The following SP100 variants were observed in gnomAD, a reference collection of about 807,000 sequenced individuals.
The protein encoded by SP100 is nuclear autoantigen Sp-100.
SP100 carries 84 observed loss-of-function variants against 130.0 expected under a neutral mutation model. The observed-to-expected ratio is 0.65, with a 90% CI of 0.54 to 0.77. SP100 has a LOEUF of 0.77. SP100 is among the 30% of genes least tolerant of loss of function. The pLI is 0.00. For synonymous variants in SP100, 331 were observed against 351.7 expected (o/e 0.94, Z 0.66); for missense variants, 978 against 1,052.2 (o/e 0.93, Z 0.97).
chr2:230,476,570 G>GGT (rs1367427045), intron 17 of SP100, among the ~76,000 whole-genome samples: 1 of 151,826 alleles, frequency 6.6e-6, no homozygotes, highest in Non-Finnish European at 1.5e-5. Context: ...TGTGAACATT[G>GGT]GTGTCTATCT....
chr2:230,498,847 T>A (rs1234466663), intron 19 of SP100, among the ~76,000 whole-genome samples: 3 of 152,212 alleles, frequency 2.0e-5, no homozygotes, highest in African/African-American at 7.2e-5. Context: ...AAAACCTATG[T>A]AATTCACAAG....
chr2:230,496,735 C>T (rs1278453561), intron 18 of SP100, among the ~76,000 whole-genome samples: 1 of 152,180 alleles, frequency 6.6e-6, no homozygotes, highest in African/African-American at 2.4e-5. Context: ...CAACTGGATG[C>T]TTACCAATTC....
Position 230,506,268 on chromosome 2 carries a change from A to G in SP100, c.1871-35A>G, listed in dbSNP as rs781191011. 47 of 1,608,496 alleles carry G rather than the reference A, an allele frequency of 2.9e-5. 1 individual carries two copies. Among genetic ancestry groups the G allele is most frequent in the Non-Finnish European group, 3.9e-5 (46 of 1,176,088 alleles). ...GGGGAGGCCAAGTTCAGGTGTTTTC[A>G]CAGTTGGGGAGCTCACTTTGCCTTG... is the stretch of plus-strand genomic sequence containing the variant. On this transcript the variant is annotated intron_variant, in intron 21 of 28. Transcript: ENST00000340126.
At chr2:230,441,830 A>G (rs1312872052) in intron 2 of SP100, among the ~76,000 whole-genome samples, 1 of 151,942 alleles carries the variant, frequency 6.6e-6, no homozygotes, top group Non-Finnish European at 1.5e-5. Flanking sequence ...TCAAATCTCC[A>G]TTGTTTCTTA....
At chr2:230,531,421 G>C (rs1223090358) in intron 24 of SP100, among the ~76,000 whole-genome samples, 1 of 151,906 alleles carries the variant, frequency 6.6e-6, no homozygotes, top group African/African-American at 2.4e-5. Context: ...CCTGTTGGGG[G>C]GTTGAGGGGC....
At chr2:230,532,547 AAG>A (rs995150851) in intron 24 of SP100, among the ~76,000 whole-genome samples, 1 of 151,856 alleles carries the variant, frequency 6.6e-6, no homozygotes, top group Non-Finnish European at 1.5e-5. Flanking sequence ...AAAAAAAAAA[AAG>A]ATGTGAGACT....
intron 24 of SP100, among the ~76,000 whole-genome samples, chr2:230,524,399 G>A (rs949795588): frequency 2.7e-5 from 4 of 148,254 alleles, no homozygotes; most frequent in East Asian, 3.9e-4. Flanking sequence ...GAAAAAAAAC[G>A]TATAAACCCA....
chr2:230,484,495 T>C (rs2065973560), intron 17 of SP100, among the ~76,000 whole-genome samples: 2 of 152,220 alleles, frequency 1.3e-5, no homozygotes, highest in Non-Finnish European at 2.9e-5. Flanking sequence ...ATCTTTATGA[T>C]GCTAGACTGC....
intron 15 of SP100, among the ~76,000 whole-genome samples, chr2:230,471,994 C>A (rs1354024800): frequency 6.6e-6 from 1 of 151,970 alleles, no homozygotes. Flanking sequence ...AAAGAACAGA[C>A]AAAGGTAATA....
At chr2:230,436,874 GT>G (rs2063287818) in intron 2 of SP100, among the ~76,000 whole-genome samples, 2 of 150,766 alleles carry the variant, frequency 1.3e-5, no homozygotes, top group Non-Finnish European at 2.9e-5. Flanking sequence ...ATGTATATGT[GT>G]ATACACACAC....
chr2:230,506,605 G>T, intron 22 of SP100, 160 bp downstream of exon 22: 1 of 651,816 alleles, frequency 1.5e-6, no homozygotes. Context: ...TGAACATTAC[G>T]TTGGCTGGCT....
Position 230,467,158 on chromosome 2 carries a change from G to A in SP100, c.1234G>A (p.Glu412Lys). 2.5e-6 allele frequency: 4 copies of A among 1,613,962 alleles called. No homozygotes were observed. Among genetic ancestry groups the A allele is most frequent in the Non-Finnish European group, 3.4e-6 (4 of 1,179,882 alleles). ...QDHDFSESSE[E>K]EAPAEASSGA... The stretch of plus-strand genomic sequence containing the variant: ...CCACGACTTTTCAGAATCCAGTGAG[G>A]AGGAGGCGCCCGCAGAAGCCTCGAG... Residue 412 changes from glutamate (E) to lysine (K), a missense_variant, in exon 13 of 29, where the codon GAG becomes AAG. Glu to Lys is a moderately conservative substitution (Grantham distance 56). Coordinates refer to ENST00000340126, the MANE Select transcript of SP100 (RefSeq NM_001080391.2).
chr2:230,526,283 G>A (rs563755946), intron 24 of SP100, among the ~76,000 whole-genome samples: 1 of 151,528 alleles, frequency 6.6e-6, no homozygotes, highest in African/African-American at 2.4e-5. Flanking sequence ...GTCTGGAGTG[G>A]ACCTCCAGCA....
chr2:230,491,499 C>T (rs1484027140), intron 17 of SP100, among the ~76,000 whole-genome samples: 1 of 152,208 alleles, frequency 6.6e-6, no homozygotes, highest in Non-Finnish European at 1.5e-5. Context: ...TGGGACCAAG[C>T]CATCCAGCCT....
chr2:230,438,662 C>T lies in SP100; in HGVS notation c.108-4275C>T, dbSNP rs1288128588. Among the ~76,000 whole-genome samples, 360 of 148,748 alleles carry T rather than the reference C, an allele frequency of 2.4e-3. 1 individual carries two copies. The highest frequency in any genetic ancestry group is 8.9e-3 in the African/African-American group (344 of 38,828). On this transcript the variant is annotated intron_variant, in intron 2 of 28. Transcript: ENST00000340126. The stretch of plus-strand genomic sequence containing the variant: ...GTGTATATATATACACACACACACA[C>T]ACACACACACACACACACACACACA...
At chr2:230,421,779 CT>C (rs2062775642) in intron 2 of SP100, among the ~76,000 whole-genome samples, 1 of 152,092 alleles carries the variant, frequency 6.6e-6, no homozygotes, top group Non-Finnish European at 1.5e-5. Flanking sequence ...TCTGGCTCTT[CT>C]CTTTGATCCC....
chr2:230,447,969 AC>A (rs1252599167), intron 5 of SP100, among the ~76,000 whole-genome samples: 1 of 152,142 alleles, frequency 6.6e-6, no homozygotes, highest in Non-Finnish European at 1.5e-5. Context: ...ATTAACATAA[AC>A]CCAGGTGTGG....
At chr2:230,481,570 A>T (rs2065834648) in intron 17 of SP100, among the ~76,000 whole-genome samples, 1 of 152,174 alleles carries the variant, frequency 6.6e-6, no homozygotes, top group African/African-American at 2.4e-5. Flanking sequence ...GAGTCCTCCT[A>T]AATGGTCTCT....
At chr2:230,539,993 C>A (rs1692104579) in intron 25 of SP100, among the ~76,000 whole-genome samples, 1 of 152,176 alleles carries the variant, frequency 6.6e-6, no homozygotes, top group African/African-American at 2.4e-5. Context: ...TCTATGAGGG[C>A]AGAGCATTGC....
Sources: gnomAD v4.1 joint callset for allele counts (sites outside exome capture counted in the v4.1 genomes callset) on GRCh38, gnomAD v4.1.1 for gene constraint, MANE v1.5 for transcripts, NCBI Gene and HGNC (gene_info 2026-07-23, HGNC 2026-07-21) for gene names.